Variants in RNF144B observed in about 807,000 individuals in gnomAD.
RNF144B encodes E3 ubiquitin-protein ligase RNF144B.
A neutral mutation model predicts 40.2 loss-of-function variants in RNF144B; 25 were observed. That is an observed-to-expected ratio of 0.62 (90% CI 0.45 to 0.87). RNF144B has a LOEUF of 0.87. RNF144B is among the 40% of genes least tolerant of loss of function. The pLI is 0.00. For missense variants in RNF144B, 365 were observed against 373.7 expected, an observed-to-expected ratio of 0.98 and a Z score of 0.19; for synonymous variants, 145 against 136.3, an observed-to-expected ratio of 1.06 and a Z score of -0.44.
Position 18,457,395 on chromosome 6 carries a change from T to C in RNF144B, c.536+36T>C. 6.7e-7 allele frequency: 1 copy of C among 1,495,594 alleles called. No individual in the cohort carries two copies. The highest frequency in any genetic ancestry group is 9.3e-7 in the Non-Finnish European group (1 of 1,071,876). The allele number at this position is 1,495,594 out of a possible 1,614,324, so 92.6% of individuals were successfully genotyped here. A position where few individuals can be genotyped will look rare whatever the true frequency, so the allele number is the denominator to read the frequency against. Reference sequence around the variant, plus strand: ...AAACTTTGTCTTTGGGATTATTCACTAGTTTTCTTAGAAATTCAACATACC... The same window carrying C: ...AAACTTTGTCTTTGGGATTATTCACCAGTTTTCTTAGAAATTCAACATACC... On this transcript the variant is annotated intron_variant, in intron 5 of 7. Coordinates refer to ENST00000259939, the MANE Select transcript of RNF144B (RefSeq NM_182757.4). The surrounding 1 kb of genome is among the most constrained non-coding windows in gnomAD (Gnocchi z 5.1).
chr6:18,458,913 T>A lies in RNF144B; in HGVS notation c.537-694T>A, dbSNP rs529568564. On this transcript the variant is annotated intron_variant, in intron 5 of 7. Transcript: ENST00000259939. This position sits in a 1 kb window ranked among gnomAD's most constrained non-coding sequence, Gnocchi z 4.8. ...TTTCAGATTTTGGAGCATTTTGGAT[T>A]TCAAATTGTGGACTAGGGATGCTCA... Among the ~76,000 whole-genome samples, 18 of 152,348 alleles carry A rather than the reference T, an allele frequency of 1.2e-4. No homozygotes were observed. Among genetic ancestry groups the A allele is most frequent in the African/African-American group, 4.1e-4 (17 of 41,572 alleles).
rs375857467 is a variant in RNF144B at position 18,405,215 on chromosome 6, C to CCAGG, written c.165+5518_165+5521dup. On this transcript the variant is annotated intron_variant, in intron 2 of 7. Coordinates refer to ENST00000259939, the MANE Select transcript of RNF144B (RefSeq NM_182757.4). The surrounding 1 kb of genome is among the most constrained non-coding windows in gnomAD (Gnocchi z 4.5). ...TTGAGATGGAGTCTTGCTCTGTTGCCCAGGCTGGAGTGCAGTGGCACAATC... is the reference window on the plus strand; with the variant it reads ...TTGAGATGGAGTCTTGCTCTGTTGCCCAGGCAGGCTGGAGTGCAGTGGCACAATC... 6.7e-6 allele frequency among the ~76,000 whole-genome samples: 1 copy of CCAGG among 149,472 alleles called. No individual in the cohort carries two copies. The highest frequency in any genetic ancestry group is 2.5e-5 in the African/African-American group (1 of 40,048).
In RNF144B at chr6:18,406,415, G is replaced by GTT. The variant is rs1794907089; in HGVS notation, c.165+6716_165+6717insTT. Reference sequence around the variant, plus strand: ...GAGGTCTTAAGTTGGGAGTGTGCTTGGTGTATCCTGTTACAGCAAAGGAGG... The same window carrying GTT: ...GAGGTCTTAAGTTGGGAGTGTGCTTGTTGTGTATCCTGTTACAGCAAAGGAGG... On this transcript the variant is annotated intron_variant, in intron 2 of 7. Coordinates refer to ENST00000259939, the MANE Select transcript of RNF144B (RefSeq NM_182757.4). This position sits in a 1 kb window ranked among gnomAD's most constrained non-coding sequence, Gnocchi z 4.2. 2.0e-5 allele frequency among the ~76,000 whole-genome samples: 3 copies of GTT among 151,026 alleles called. No homozygotes were observed. The highest frequency in any genetic ancestry group is 4.9e-5 in the African/African-American group (2 of 41,054).
chr6:18,422,003 C>T lies in RNF144B; in HGVS notation c.166-5578C>T, dbSNP rs1758439115. ...CATGTCCTATATGGTTGGCCAACAC[C>T]TACAAGGGGGAGGTTGGTCACCTAA... On this transcript the variant is annotated intron_variant, in intron 2 of 7. Transcript: ENST00000259939. This position sits in a 1 kb window ranked among gnomAD's most constrained non-coding sequence, Gnocchi z 4.7. Among the ~76,000 whole-genome samples, 1 of 152,078 alleles carries T rather than the reference C, an allele frequency of 6.6e-6. No individual in the cohort carries two copies. The highest frequency in any genetic ancestry group is 1.5e-5 in the Non-Finnish European group (1 of 68,024).
At chr6:18,426,666 GT>G (rs1433186351) in intron 2 of RNF144B, among the ~76,000 whole-genome samples, 1 of 150,656 alleles carries the variant, frequency 6.6e-6, no homozygotes. Context: ...TTTCTATTCA[GT>G]TTCTTCTCTG....
Position 18,414,488 on chromosome 6 carries a change from T to C in RNF144B, c.166-13093T>C, listed in dbSNP as rs976064802. Among the ~76,000 whole-genome samples, 5 of 152,230 alleles carry C rather than the reference T, an allele frequency of 3.3e-5. No individual in the cohort carries two copies. Among genetic ancestry groups the C allele is most frequent in the Non-Finnish European group, 7.3e-5 (5 of 68,038 alleles). ...AAATGTTGGTGATGAGTTAGCTTTATTCTGTCACTTATACAGTGTTAATAT... is the reference window on the plus strand; with the variant it reads ...AAATGTTGGTGATGAGTTAGCTTTACTCTGTCACTTATACAGTGTTAATAT... On this transcript the variant is annotated intron_variant, in intron 2 of 7. Coordinates refer to ENST00000259939, the MANE Select transcript of RNF144B (RefSeq NM_182757.4). The surrounding 1 kb of genome is among the most constrained non-coding windows in gnomAD (Gnocchi z 4.9).
chr6:18,408,861 A>G (rs571474626), intron 2 of RNF144B, among the ~76,000 whole-genome samples: 1 of 152,244 alleles, frequency 6.6e-6, no homozygotes, highest in Non-Finnish European at 1.5e-5. Flanking sequence ...ATTTCTAGGG[A>G]ACACAGTTAA....
Position 18,443,388 on chromosome 6 carries a change from G to A in RNF144B, c.331+3644G>A, listed in dbSNP as rs1327000268. On this transcript the variant is annotated intron_variant, in intron 4 of 7. Transcript: ENST00000259939. This position sits in a 1 kb window ranked among gnomAD's most constrained non-coding sequence, Gnocchi z 4.7. The stretch of plus-strand genomic sequence containing the variant: ...AGCGATTCTCCTGCCTCAGCCTCCC[G>A]AGTAGATGGGATTACAGGTGCCTGC... Among the ~76,000 whole-genome samples the A allele has an allele frequency of 6.6e-6, 1 of 151,890 alleles. No individual in the cohort carries two copies. Among genetic ancestry groups the A allele is most frequent in the Non-Finnish European group, 1.5e-5 (1 of 67,980 alleles).
chr6:18,462,965 G>T (rs1759490707), intron 6 of RNF144B, among the ~76,000 whole-genome samples: 2 of 152,020 alleles, frequency 1.3e-5, no homozygotes. Flanking sequence ...TGCCACACCA[G>T]CCTTTCAGCT....
chr6:18,449,697 G>GTATATGTATA (rs1759166328), intron 4 of RNF144B, among the ~76,000 whole-genome samples: 1 of 149,284 alleles, frequency 6.7e-6, no homozygotes, highest in Non-Finnish European at 1.5e-5. Flanking sequence ...GTGTTTTGAA[G>GTATATGTATA]TATATATATA....
chr6:18,437,343 G>A (rs1166391971), intron 3 of RNF144B, among the ~76,000 whole-genome samples: 1 of 152,102 alleles, frequency 6.6e-6, no homozygotes, highest in Non-Finnish European at 1.5e-5. Context: ...AGAGGCTGAG[G>A]AGGGAGGATT....
chr6:18,391,226 T>C (rs1196299695), intron 1 of RNF144B, among the ~76,000 whole-genome samples: 1 of 152,202 alleles, frequency 6.6e-6, no homozygotes, highest in East Asian at 1.9e-4. Context: ...AATTACATCA[T>C]TGTCTGACCT....
In RNF144B at chr6:18,418,808, A is replaced by G. The variant is rs977692646; in HGVS notation, c.166-8773A>G. ...ATAAAATATATAATATTTACATATCATATATAATAATGCTATATATATAAT... is the reference window on the plus strand; with the variant it reads ...ATAAAATATATAATATTTACATATCGTATATAATAATGCTATATATATAAT... On this transcript the variant is annotated intron_variant, in intron 2 of 7. Transcript: ENST00000259939. The surrounding 1 kb of genome is among the most constrained non-coding windows in gnomAD (Gnocchi z 5.2). Among the ~76,000 whole-genome samples, 11 of 151,462 alleles carry G rather than the reference A, an allele frequency of 7.3e-5. No homozygotes were observed. The highest frequency in any genetic ancestry group is 2.7e-4 in the African/African-American group (11 of 41,294).
Position 18,425,963 on chromosome 6 carries a change from A to G in RNF144B, c.166-1618A>G, listed in dbSNP as rs375117413. On this transcript the variant is annotated intron_variant, in intron 2 of 7. Coordinates refer to ENST00000259939, the MANE Select transcript of RNF144B (RefSeq NM_182757.4). This position sits in a 1 kb window ranked among gnomAD's most constrained non-coding sequence, Gnocchi z 4.2. ...CTGGTTTAAATGGTTTGCCCTAGTC[A>G]TTGATTCATCAGTACATTGTAAGTT... Among the ~76,000 whole-genome samples the G allele has an allele frequency of 2.6e-5, 4 of 152,222 alleles. No individual in the cohort carries two copies. In the East Asian group the frequency reaches 5.8e-4, roughly 22 times the overall value.
Position 18,387,527 on chromosome 6 carries a change from AAT to A in RNF144B, c.-139_-138del. The A allele has an allele frequency of 7.6e-7, 1 of 1,314,972 alleles. No individual in the cohort carries two copies. The highest frequency in any genetic ancestry group is 1.0e-6 in the Non-Finnish European group (1 of 1,003,890). The allele number at this position is 1,314,972 out of a possible 1,614,324, so 81.5% of individuals were successfully genotyped here. A position where few individuals can be genotyped will look rare whatever the true frequency, so the allele number is the denominator to read the frequency against. ...CAGAGCACGGAGGAAAGACGGAGAG[AAT>A]GGAAGAGCTCCTGTCCGGTGTGCCA... is the stretch of plus-strand genomic sequence containing the variant. On this transcript the variant is annotated 5_prime_UTR_variant, in exon 1 of 8. An upstream start codon of the reference 5' UTR is lost. Coordinates refer to ENST00000259939, the MANE Select transcript of RNF144B (RefSeq NM_182757.4).
At position 18,459,670 on chromosome 6, in the gene RNF144B, C is replaced by T. The variant is rs547015408; in HGVS notation, c.600C>T (p.Ile200=). 50 of 1,613,928 alleles carry T rather than the reference C, an allele frequency of 3.1e-5. No homozygotes were observed. The East Asian group carries it at 8.0e-4, about 26-fold the overall frequency. Residue 200 remains isoleucine (I), a synonymous_variant, in exon 6 of 8, where the codon ATC becomes ATT. Transcript: ENST00000259939. This position sits in a 1 kb window ranked among gnomAD's most constrained non-coding sequence, Gnocchi z 4.2. The part of the protein sequence containing the change: ...IKQCPVCRVY[I]ERNEGCAQMM... ...AGTGCCCAGTTTGCCGGGTTTATAT[C>T]GAACGCAATGAAGGCTGCGCTCAGA... is the stretch of plus-strand genomic sequence containing the variant.
Position 18,406,206 on chromosome 6 carries a change from G to T in RNF144B, c.165+6507G>T. ...AAATACAGAAGTCAGGTGATGGTTT[G>T]TGCTATGGAAAAATAGGGTGAGGGG... On this transcript the variant is annotated intron_variant, in intron 2 of 7. Transcript: ENST00000259939. This position sits in a 1 kb window ranked among gnomAD's most constrained non-coding sequence, Gnocchi z 4.2. 3.9e-6 allele frequency: 2 copies of T among 515,310 alleles called. No homozygotes were observed. 31.9% of individuals were successfully genotyped at this position (515,310 alleles called of 1,614,324 possible).
intron 3 of RNF144B, among the ~76,000 whole-genome samples, chr6:18,429,235 G>T (rs994210642): frequency 8.6e-5 from 13 of 152,028 alleles, no homozygotes; most frequent in African/African-American, 3.1e-4. Flanking sequence ...AACTAGGTAG[G>T]TAGATAGAAT....
At chr6:18,455,938 T>G (rs1318826046) in intron 4 of RNF144B, among the ~76,000 whole-genome samples, 1 of 152,194 alleles carries the variant, frequency 6.6e-6, no homozygotes, top group Non-Finnish European at 1.5e-5. Flanking sequence ...TTTTGTTTTT[T>G]TTGAGACGGA....
Sources: gnomAD v4.1 joint callset for allele counts (sites outside exome capture counted in the v4.1 genomes callset) on GRCh38, gnomAD v4.1.1 for gene constraint, Gnocchi (gnomAD v3.1) non-coding constraint, MANE v1.5 for transcripts, NCBI Gene and HGNC (gene_info 2026-07-23, HGNC 2026-07-21) for gene names.